The following PTPRN2 variants were observed in gnomAD, a reference collection of about 807,000 sequenced individuals.
PTPRN2 encodes receptor-type tyrosine-protein phosphatase N2.
A neutral mutation model predicts 118.8 loss-of-function variants in PTPRN2; 74 were observed. The observed-to-expected ratio is 0.62, with a 90% CI of 0.52 to 0.76. The LOEUF (loss-of-function observed/expected upper bound fraction) is 0.76, where lower values mean the gene tolerates loss of function less well. Ranked by LOEUF, PTPRN2 falls within the 30% of genes least tolerant of loss-of-function variation. The pLI, the probability that PTPRN2 is intolerant of heterozygous loss-of-function variation, is 0.00. For synonymous variants in PTPRN2, 641 were observed against 608.0 expected (o/e 1.05, Z -0.80); for missense variants, 1,481 against 1,394.4 (o/e 1.06, Z -0.99).
In PTPRN2 at chr7:157,987,693, T is replaced by C. The variant is rs1255112273; in HGVS notation, c.1724-88956A>G. ...GCCTGTCCTAAATGCTATCAGTCTT[T>C]CTCTAGAGATGGGGCAGTTATTATG... On this transcript the variant is annotated intron_variant, in intron 11 of 22. Coordinates refer to ENST00000389418, the MANE Select transcript of PTPRN2 (RefSeq NM_002847.5). This position sits in a 1 kb window ranked among gnomAD's most constrained non-coding sequence, Gnocchi z 4.3. Among the ~76,000 whole-genome samples, 5 of 152,116 alleles carry C rather than the reference T, an allele frequency of 3.3e-5. No homozygotes were observed. Among genetic ancestry groups the C allele is most frequent in the Admixed American group, 3.3e-4 (5 of 15,280 alleles).
At chr7:158,227,369 T>C (rs1828868985) in intron 3 of PTPRN2, among the ~76,000 whole-genome samples, 1 of 152,026 alleles carries the variant, frequency 6.6e-6, no homozygotes, top group Admixed American at 6.6e-5. Context: ...GAGAGATAAA[T>C]CAGAGTGATA....
intron 11 of PTPRN2, among the ~76,000 whole-genome samples, chr7:157,948,957 G>A (rs781112964): frequency 5.9e-5 from 9 of 151,972 alleles, no homozygotes; most frequent in African/African-American, 9.7e-5. Context: ...CCATGTATAC[G>A]GAGAGCTGAC....
Position 157,794,994 on chromosome 7 carries a change from A to G in PTPRN2, c.1788+103679T>C, listed in dbSNP as rs1032557003. 7.9e-5 allele frequency among the ~76,000 whole-genome samples: 12 copies of G among 152,220 alleles called. No homozygotes were observed. The highest frequency in any genetic ancestry group is 2.7e-4 in the African/African-American group (11 of 41,460). ...ATAAAGTATTGAAACTTCCTCTAAG[A>G]CATGGATCCCTGTGCGTCGCAGCCC... On this transcript the variant is annotated intron_variant, in intron 12 of 22. Coordinates refer to ENST00000389418, the MANE Select transcript of PTPRN2 (RefSeq NM_002847.5). This position sits in a 1 kb window ranked among gnomAD's most constrained non-coding sequence, Gnocchi z 5.2.
chr7:157,660,744 G>C (rs554237058), intron 13 of PTPRN2, among the ~76,000 whole-genome samples: 1 of 152,282 alleles, frequency 6.6e-6, no homozygotes, highest in South Asian at 2.1e-4. Flanking sequence ...TTCTGAAGAA[G>C]TTACAGAATT....
chr7:157,666,008 T>C (rs1000436553), intron 13 of PTPRN2, among the ~76,000 whole-genome samples: 5 of 151,926 alleles, frequency 3.3e-5, no homozygotes, highest in African/African-American at 9.7e-5. Context: ...GGGGGAGGGG[T>C]AGCATTAGGA....
intron 2 of PTPRN2, among the ~76,000 whole-genome samples, chr7:158,378,213 C>G (rs1435684517): frequency 6.6e-6 from 1 of 152,220 alleles, no homozygotes. Context: ...TCAGGACAAC[C>G]CTTGACCTTG....
chr7:158,189,232 T>C (rs1179068649), intron 5 of PTPRN2, among the ~76,000 whole-genome samples: 1 of 152,274 alleles, frequency 6.6e-6, no homozygotes, highest in East Asian at 1.9e-4. Flanking sequence ...AGGGAAGCAC[T>C]GCAGCCATTC....
intron 9 of PTPRN2, among the ~76,000 whole-genome samples, chr7:158,132,070 TCTAC>T (rs747826584): frequency 6.6e-6 from 1 of 150,578 alleles, no homozygotes; most frequent in Non-Finnish European, 1.5e-5. Flanking sequence ...CCGATACACA[TCTAC>T]CTGACACACA....
At chr7:158,456,314 A>C (rs552612906) in intron 2 of PTPRN2, among the ~76,000 whole-genome samples, 23 of 109,648 alleles carry the variant, frequency 2.1e-4, no homozygotes, top group Non-Finnish European at 3.5e-4. Context: ...GGATGCCATC[A>C]GCCACAGCCA....
chr7:158,527,831 G>A (rs1016437106), intron 1 of PTPRN2, among the ~76,000 whole-genome samples: 33 of 152,288 alleles, frequency 2.2e-4, no homozygotes, highest in Admixed American at 1.5e-3. Flanking sequence ...TTCCTGCCCC[G>A]TATCCCAGAT....
rs1453293920 is a variant in PTPRN2, at chr7:157,813,027, G to T, written c.1788+85646C>A. Among the ~76,000 whole-genome samples, 1 of 152,140 alleles carries T rather than the reference G, an allele frequency of 6.6e-6. No individual in the cohort carries two copies. Among genetic ancestry groups the T allele is most frequent in the African/African-American group, 2.4e-5 (1 of 41,404 alleles). On this transcript the variant is annotated intron_variant, in intron 12 of 22. Transcript: ENST00000389418. This position sits in a 1 kb window ranked among gnomAD's most constrained non-coding sequence, Gnocchi z 4.7. The stretch of plus-strand genomic sequence containing the variant: ...CCTCTGGATGAGCTTCTGTTAAAAA[G>T]AGATGACTCGGTGACAAACAGGAGG...
intron 12 of PTPRN2, among the ~76,000 whole-genome samples, chr7:157,703,522 C>T (rs1420282318): frequency 2.0e-5 from 3 of 152,228 alleles, no homozygotes; most frequent in African/African-American, 4.8e-5. Context: ...AGCTAAGTTT[C>T]GGGATAACTC....
intron 18 of PTPRN2, among the ~76,000 whole-genome samples, chr7:157,577,376 G>A (rs1364972928): frequency 6.6e-6 from 1 of 152,190 alleles, no homozygotes; most frequent in Non-Finnish European, 1.5e-5. Context: ...TGGAGCTTTG[G>A]CATTCTCACT....
intron 6 of PTPRN2, among the ~76,000 whole-genome samples, chr7:158,149,440 G>A (rs1433635897): frequency 6.2e-5 from 8 of 129,862 alleles, no homozygotes; most frequent in East Asian, 5.0e-4. Flanking sequence ...TTCTCAAGAG[G>A]TAAAAAAAAA....
At chr7:158,193,452 C>T (rs1017990168) in intron 4 of PTPRN2, among the ~76,000 whole-genome samples, 3 of 152,150 alleles carry the variant, frequency 2.0e-5, no homozygotes, top group Non-Finnish European at 4.4e-5. Flanking sequence ...GTCGCGGTAA[C>T]GCCCAACAGG....
intron 11 of PTPRN2, among the ~76,000 whole-genome samples, chr7:158,045,442 G>A (rs1377969117): frequency 6.6e-6 from 1 of 152,142 alleles, no homozygotes; most frequent in Non-Finnish European, 1.5e-5. Flanking sequence ...TGGTGGTCTT[G>A]GCCTTGTGTC....
At chr7:158,227,596 G>A (rs1290833796) in intron 3 of PTPRN2, among the ~76,000 whole-genome samples, 4 of 152,070 alleles carry the variant, frequency 2.6e-5, no homozygotes, top group Non-Finnish European at 5.9e-5. Flanking sequence ...TAGAATTCAC[G>A]ACTATATAAA....
chr7:158,247,966 A>C (rs1420192866), intron 3 of PTPRN2, among the ~76,000 whole-genome samples: 1 of 152,086 alleles, frequency 6.6e-6, no homozygotes, highest in Non-Finnish European at 1.5e-5. Context: ...GCCTGGAGAG[A>C]GGAGCGGGAG....
At chr7:158,173,348 G>A (rs568453417) in intron 5 of PTPRN2, among the ~76,000 whole-genome samples, 29 of 152,308 alleles carry the variant, frequency 1.9e-4, no homozygotes, top group African/African-American at 6.5e-4. Flanking sequence ...TTTACAGCTG[G>A]GCCTTCAGGG....
Sources: gnomAD v4.1 joint callset for allele counts (sites outside exome capture counted in the v4.1 genomes callset) on GRCh38, gnomAD v4.1.1 for gene constraint, Gnocchi (gnomAD v3.1) non-coding constraint, MANE v1.5 for transcripts, NCBI Gene and HGNC (gene_info 2026-07-23, HGNC 2026-07-21) for gene names.